The following SH3TC2 variants were observed in gnomAD, a reference collection of about 807,000 sequenced individuals.
SH3TC2 encodes SH3 domain and tetratricopeptide repeats 2.
Under a neutral mutation model 124.5 loss-of-function variants are expected in SH3TC2, and 87 were observed. The observed-to-expected ratio is 0.70, with a 90% CI of 0.59 to 0.84. The LOEUF (loss-of-function observed/expected upper bound fraction) is 0.84, where lower values mean the gene tolerates loss of function less well. SH3TC2 is among the 40% of genes least tolerant of loss of function. The pLI, the probability that SH3TC2 is intolerant of heterozygous loss-of-function variation, is 0.00. For missense variants in SH3TC2, 1,536 were observed against 1,566.4 expected (o/e 0.98, Z 0.33); for synonymous variants, 634 against 628.5 (o/e 1.01, Z -0.13).
rs1276243270 is a variant in SH3TC2, at chr5:148,986,863, A to G, written c.*17848T>C. Among the ~76,000 whole-genome samples, 2 of 152,204 alleles carry G rather than the reference A, an allele frequency of 1.3e-5. No individual in the cohort carries two copies. Among genetic ancestry groups the G allele is most frequent in the Non-Finnish European group, 2.9e-5 (2 of 68,042 alleles). On this transcript the variant is annotated 3_prime_UTR_variant, in exon 17 of 17. Coordinates refer to ENST00000515425, the MANE Select transcript of SH3TC2 (RefSeq NM_024577.4). ...AAACAGCATCAAGTGTTAACTTGTTAAAACAGTTACACCCAAAAAATGCTG... is the reference window on the plus strand; with the variant it reads ...AAACAGCATCAAGTGTTAACTTGTTGAAACAGTTACACCCAAAAAATGCTG...
rs1487678368 is a variant in SH3TC2, at chr5:148,991,991, T to A, written c.*12720A>T. 3.3e-5 allele frequency among the ~76,000 whole-genome samples: 5 copies of A among 152,150 alleles called. No individual in the cohort carries two copies. On this transcript the variant is annotated 3_prime_UTR_variant, in exon 17 of 17. Transcript: ENST00000515425. ...GGGTGACCATGGGTAAGGCTTTCCC[T>A]TTTCTGGTTCACTTTTCATATAATA...
chr5:149,004,762 C>T lies in SH3TC2; in HGVS notation c.3816G>A (p.Gly1272=). Residue 1272 remains glycine, a synonymous_variant, in exon 17 of 17, where the codon GGG becomes GGA. Transcript: ENST00000515425. ...QSPLWHSRPS[G]CSSERARWLS... ...GCCACCGCGCCCTCTCTGAGGAGCA[C>T]CCGGAGGGCCTGCTGTGCCACAGGG... 6.2e-7 allele frequency: 1 copy of T among 1,614,074 alleles called. No individual in the cohort carries two copies. The highest frequency in any genetic ancestry group is 1.7e-4 in the Middle Eastern group (1 of 6,008).
rs763476083 is a variant in SH3TC2 at position 149,041,605 on chromosome 5, CAGA to C, written c.539_541del (p.Phe180del). 104 of 1,614,108 alleles carry C rather than the reference CAGA, an allele frequency of 6.4e-5. No homozygotes were observed. The highest frequency in any genetic ancestry group is 8.2e-5 in the Non-Finnish European group (97 of 1,180,050). On this transcript the variant is annotated inframe_deletion, in exon 6 of 17. Coordinates refer to ENST00000515425, the MANE Select transcript of SH3TC2 (RefSeq NM_024577.4). ...TGGAGTCACGGAGCACAGGGCTCTG[CAGA>C]AGAAGTGGCCTGTGGATAATGAGAA...
In SH3TC2 at chr5:148,995,298, A is replaced by G. The variant is rs983725078; in HGVS notation, c.*9413T>C. 1.3e-5 allele frequency among the ~76,000 whole-genome samples: 2 copies of G among 152,212 alleles called. No homozygotes were observed. The highest frequency in any genetic ancestry group is 4.8e-5 in the African/African-American group (2 of 41,472). ...TCTCTGCAAACATCTGAAATACTTT[A>G]AACCTTGATTCTATCACCTGAAAAG... On this transcript the variant is annotated 3_prime_UTR_variant, in exon 17 of 17. Coordinates refer to ENST00000515425, the MANE Select transcript of SH3TC2 (RefSeq NM_024577.4).
At chr5:149,062,058 G>A (rs540724654) in intron 1 of SH3TC2, among the ~76,000 whole-genome samples, 1 of 152,272 alleles carries the variant, frequency 6.6e-6, no homozygotes, top group Admixed American at 6.5e-5. Context: ...TTGTCTGTCA[G>A]AGAGTAGAAA....
intron 1 of SH3TC2, among the ~76,000 whole-genome samples, chr5:149,054,146 C>T (rs1001842866): frequency 2.0e-5 from 3 of 152,058 alleles, no homozygotes; most frequent in African/African-American, 4.8e-5. Context: ...CAAAATATCT[C>T]ATGTATTCCA....
At chr5:149,015,649 C>T (rs1240416337) in intron 12 of SH3TC2, among the ~76,000 whole-genome samples, 1 of 152,182 alleles carries the variant, frequency 6.6e-6, no homozygotes, top group East Asian at 1.9e-4. Context: ...TTCTTCCCTG[C>T]CTGAACATCA....
At position 149,008,776 on chromosome 5, in the gene SH3TC2, G is replaced by A. The variant is rs1454500151; in HGVS notation, c.3478+75C>T. 1.9e-6 allele frequency: 3 copies of A among 1,595,188 alleles called. No individual in the cohort carries two copies. The African/African-American group carries it at 4.0e-5, about 21-fold the overall frequency. Reference sequence around the variant, plus strand: ...ACACAGTCTGACTCCAGGGCCTGCGGTGTTATTGCTTTGCTGTCTATCCTT... The same window carrying A: ...ACACAGTCTGACTCCAGGGCCTGCGATGTTATTGCTTTGCTGTCTATCCTT... On this transcript the variant is annotated intron_variant, in intron 15 of 16. Coordinates refer to ENST00000515425, the MANE Select transcript of SH3TC2 (RefSeq NM_024577.4).
At chr5:149,040,101 T>C (rs1320827999) in intron 7 of SH3TC2, among the ~76,000 whole-genome samples, 1 of 152,186 alleles carries the variant, frequency 6.6e-6, no homozygotes, top group African/African-American at 2.4e-5. Flanking sequence ...TTAAATTGTG[T>C]GTGTGTGTGT....
At chr5:149,059,228 A>T (rs1407925213) in intron 1 of SH3TC2, among the ~76,000 whole-genome samples, 1 of 152,130 alleles carries the variant, frequency 6.6e-6, no homozygotes, top group Non-Finnish European at 1.5e-5. Flanking sequence ...TCACACAGCA[A>T]ATTAACAAAA....
At chr5:149,010,176 G>A (rs2127392810) in intron 14 of SH3TC2, 94 bp downstream of exon 14, 1 of 1,541,252 alleles carries the variant, frequency 6.5e-7, no homozygotes, top group Non-Finnish European at 9.0e-7. Context: ...ATACAAGCAA[G>A]AGAGGAGAAG....
rs774535587 is a variant in SH3TC2 at position 148,996,832 on chromosome 5, G to A, written c.*7879C>T. ...TACAGATCATGTTTAACTATGGTCC[G>A]CTAGATTTGGAAGGTTAAAATAAAA... On this transcript the variant is annotated 3_prime_UTR_variant, in exon 17 of 17. Coordinates refer to ENST00000515425, the MANE Select transcript of SH3TC2 (RefSeq NM_024577.4). Among the ~76,000 whole-genome samples, 1 of 152,118 alleles carries A rather than the reference G, an allele frequency of 6.6e-6. No individual in the cohort carries two copies. The highest frequency in any genetic ancestry group is 1.5e-5 in the Non-Finnish European group (1 of 68,012).
intron 8 of SH3TC2, among the ~76,000 whole-genome samples, chr5:149,032,929 G>T (rs759459024): frequency 5.3e-5 from 8 of 152,100 alleles, no homozygotes; most frequent in Non-Finnish European, 8.8e-5. Context: ...TCTCAAAACA[G>T]CATGTAATTG....
rs116345946 is a variant in SH3TC2, at chr5:148,991,219, T to C, written c.*13492A>G. 5.1e-3 allele frequency among the ~76,000 whole-genome samples: 774 copies of C among 152,278 alleles called. 10 individuals carry two copies. The highest frequency in any genetic ancestry group is 0.018 in the African/African-American group (732 of 41,576). ...TTTTTCTTCTCTATACAAAAGCTTT[T>C]ACCCATATACCACATTGGATGTGAG... On this transcript the variant is annotated 3_prime_UTR_variant, in exon 17 of 17. Coordinates refer to ENST00000515425, the MANE Select transcript of SH3TC2 (RefSeq NM_024577.4).
chr5:149,010,262 G>C lies in SH3TC2; in HGVS notation c.3327+8C>G, dbSNP rs1243168218. 6.2e-7 allele frequency: 1 copy of C among 1,614,166 alleles called. No individual in the cohort carries two copies. The highest frequency in any genetic ancestry group is 1.1e-5 in the South Asian group (1 of 91,078). ...CCTGTCTCAGCAAACTGCACAGCTT[G>C]GACTTACTCGGTAGTACTCCACTGC... On this transcript the variant is annotated splice_region_variant and intron_variant, in intron 14 of 16. Transcript: ENST00000515425.
intron 14 of SH3TC2, among the ~76,000 whole-genome samples, chr5:149,009,285 C>T (rs774374414): frequency 6.6e-6 from 1 of 152,170 alleles, no homozygotes; most frequent in Non-Finnish European, 1.5e-5. Flanking sequence ...CCCAAGGTCA[C>T]GTGGAAAGTC....
At position 149,027,961 on chromosome 5, in the gene SH3TC2, G is replaced by A. The variant is rs1302548255; in HGVS notation, c.1771C>T (p.Leu591=). The A allele has an allele frequency of 1.2e-6, 2 of 1,614,052 alleles. No individual in the cohort carries two copies. The highest frequency in any genetic ancestry group is 2.7e-5 in the African/African-American group (2 of 74,956). ...AGCAGGGCACCTGCCTTTTCCAACA[G>A]GGCGGAGCCTTTATGTCTCAGCCTC... ...KQRLRHKGSA[L]LEKAGALLAC... Residue 591 remains leucine, a synonymous_variant, in exon 11 of 17, where the codon CTG becomes TTG. Coordinates refer to ENST00000515425, the MANE Select transcript of SH3TC2 (RefSeq NM_024577.4).
intron 13 of SH3TC2, 152 bp downstream of exon 13, chr5:149,012,432 T>C (rs1753799154): frequency 7.1e-6 from 7 of 990,706 alleles, no homozygotes; most frequent in South Asian, 5.8e-5. Flanking sequence ...TTCCACCATG[T>C]GTTCAGGGAG....
intron 4 of SH3TC2, 99 bp downstream of exon 4, chr5:149,044,433 TC>T (rs1754423422): frequency 1.1e-6 from 1 of 892,558 alleles, no homozygotes; most frequent in Admixed American, 1.9e-5. Context: ...GCTCTATTTC[TC>T]TTAATTACCA....
Sources: gnomAD v4.1 joint callset for allele counts (sites outside exome capture counted in the v4.1 genomes callset) on GRCh38, gnomAD v4.1.1 for gene constraint, MANE v1.5 for transcripts, NCBI Gene and HGNC (gene_info 2026-07-23, HGNC 2026-07-21) for gene names.